Variants in CSF2RB observed in about 807,000 individuals in gnomAD.
The protein encoded by CSF2RB is colony stimulating factor 2 receptor subunit beta.
A neutral mutation model predicts 67.2 loss-of-function variants in CSF2RB; 22 were observed. The ratio of observed to expected loss-of-function variants is 0.33; its 90% CI spans 0.23 to 0.47. CSF2RB has a LOEUF of 0.47. CSF2RB is among the 20% of genes least tolerant of loss of function. The pLI, the probability that CSF2RB is intolerant of heterozygous loss-of-function variation, is 1.00. For synonymous variants in CSF2RB, 507 were observed against 482.9 expected (o/e 1.05, Z -0.65); for missense variants, 1,113 against 1,174.5 (o/e 0.95, Z 0.76).
chr22:36,923,774 C>T lies in CSF2RB; in HGVS notation c.200+407C>T, dbSNP rs975311813. The T allele has an allele frequency of 3.9e-6, 5 of 1,293,594 alleles. No homozygotes were observed. In the African/African-American group the frequency reaches 4.5e-5, roughly 12 times the overall value. The allele number at this position is 1,293,594 out of a possible 1,614,324, so 80.1% of individuals were successfully genotyped here. On this transcript the variant is annotated intron_variant, in intron 3 of 13. Coordinates refer to ENST00000403662, the MANE Select transcript of CSF2RB (RefSeq NM_000395.3). ...TCCAGAGTAGACCAAGGAGAGATGG[C>T]GCTAGCCTGGGAGTTCACAGATGGG...
At chr22:36,926,688 C>T (rs182788096) in intron 4 of CSF2RB, among the ~76,000 whole-genome samples, 3 of 152,204 alleles carry the variant, frequency 2.0e-5, no homozygotes, top group Admixed American at 6.5e-5. Context: ...CGGTGTGGGC[C>T]GAAATCCCAC....
intron 1 of CSF2RB, among the ~76,000 whole-genome samples, chr22:36,916,612 C>T (rs951497690): frequency 2.6e-5 from 4 of 152,072 alleles, no homozygotes; most frequent in African/African-American, 7.2e-5. Context: ...AATCCCAGCA[C>T]TTTGGGAGGC....
Position 36,930,778 on chromosome 22 carries a change from CG to C in CSF2RB, c.961del (p.Val321SerfsTer12). 1 of 1,614,138 alleles carries C rather than the reference CG, an allele frequency of 6.2e-7. No individual in the cohort carries two copies. The highest frequency in any genetic ancestry group is 8.5e-7 in the Non-Finnish European group (1 of 1,180,044). ...PDPATHGQYIVSVQPRRAEKH... is the reference protein window; with the variant it reads ...PDPATHGQYIXSVQPRRAEKH... ...ACCCCGCGACCCACGGCCAATACAT[CG>C]TCTCTGTTCAGCCAAGGAGGGCAGA... On this transcript the variant is annotated frameshift_variant, in exon 8 of 14. Coordinates refer to ENST00000403662, the MANE Select transcript of CSF2RB (RefSeq NM_000395.3). LOFTEE classifies it high-confidence loss of function.
At chr22:36,922,785 G>A (rs1211507842) in intron 2 of CSF2RB, 1 of 286,346 alleles carries the variant, frequency 3.5e-6, no homozygotes, top group African/African-American at 2.2e-5. Context: ...GATAATGCTG[G>A]GACCACAGTC....
At chr22:36,935,735 C>T (rs773633986) in intron 12 of CSF2RB, 48 bp downstream of exon 12, 1 of 1,574,126 alleles carries the variant, frequency 6.4e-7, no homozygotes, top group East Asian at 2.3e-5. Flanking sequence ...CTGTTCCTGC[C>T]TCTCTTGTCT....
rs200666918 is a variant in CSF2RB, at chr22:36,926,060, G to A, written c.274G>A (p.Val92Met). Residue 92 changes from valine (V) to methionine (M), a missense_variant, in exon 4 of 14, where the codon GTG becomes ATG. Val to Met is a conservative substitution (Grantham distance 21). Coordinates refer to ENST00000403662, the MANE Select transcript of CSF2RB (RefSeq NM_000395.3). ...PWSACPHPRC[V>M]PRRCVIPCQS... ...GTCAGCCTGCCCCCATCCCCGCTGC[G>A]TGCCCAGGAGATGTGTCATTCCCTG... The A allele has an allele frequency of 7.8e-5, 126 of 1,614,074 alleles. 1 individual carries two copies. The highest frequency in any genetic ancestry group is 2.7e-4 in the East Asian group (12 of 44,888).
intron 3 of CSF2RB, among the ~76,000 whole-genome samples, chr22:36,925,515 C>T (rs781529634): frequency 8.5e-5 from 13 of 152,216 alleles, no homozygotes; most frequent in Non-Finnish European, 1.3e-4. Context: ...CTAGACCTCC[C>T]TATCACACGC....
At chr22:36,933,654 G>A (rs1039920484) in intron 9 of CSF2RB, among the ~76,000 whole-genome samples, 178 bp from the exon 10 acceptor site, 10 of 152,198 alleles carry the variant, frequency 6.6e-5, no homozygotes, top group Non-Finnish European at 8.8e-5. Flanking sequence ...GGTGCCATCC[G>A]AAGTGCTGTC....
Position 36,938,242 on chromosome 22 carries a change from G to A in CSF2RB, c.2434G>A (p.Gly812Ser). The change falls in exon 14 of 14, where the codon GGC becomes AGC. Residue 812 changes from glycine (G) to serine (S), a missense_variant. Gly to Ser is a moderately conservative substitution (Grantham distance 56, BLOSUM62 0). This residue lies in a region of CSF2RB where 554 missense variants were observed against 517.9 expected (regional missense o/e 1.07). Coordinates refer to ENST00000403662, the MANE Select transcript of CSF2RB (RefSeq NM_000395.3). ...GTCCCCAACATCCCCACAGCCCGAGGGCCTCCTTGTCCTGCAGCAAGTGGG... is the reference window on the plus strand; with the variant it reads ...GTCCCCAACATCCCCACAGCCCGAGAGCCTCCTTGTCCTGCAGCAAGTGGG... Reference protein sequence around the residue: ...DVSPTSPQPEGLLVLQQVGDY... With the variant: ...DVSPTSPQPESLLVLQQVGDY... 1 of 1,614,164 alleles carries A rather than the reference G, an allele frequency of 6.2e-7. No homozygotes were observed. Among genetic ancestry groups the A allele is most frequent in the Non-Finnish European group, 8.5e-7 (1 of 1,180,008 alleles).
chr22:36,922,255 C>T lies in CSF2RB; in HGVS notation c.48C>T (p.Cys16=), dbSNP rs765741610. The change falls in exon 2 of 14, where the codon TGC becomes TGT. Residue 16 remains cysteine, a synonymous_variant. Coordinates refer to ENST00000403662, the MANE Select transcript of CSF2RB (RefSeq NM_000395.3). ...GLLSMALLAL[C]WERSLAGAEE... is the part of the protein sequence containing the mutation. ...TCTCCATGGCCCTGCTGGCCCTGTG[C>T]TGGGAGCGCAGCCTGGCAGGGGCAG... The T allele has an allele frequency of 1.3e-6, 2 of 1,585,270 alleles. No individual in the cohort carries two copies. The highest frequency in any genetic ancestry group is 3.6e-5 in the Admixed American group (2 of 56,280).
chr22:36,924,154 C>T (rs1025343631), intron 3 of CSF2RB, among the ~76,000 whole-genome samples: 9 of 145,096 alleles, frequency 6.2e-5, no homozygotes, highest in African/African-American at 2.0e-4. Context: ...GCGTCTCTGT[C>T]GGACCTTCTC....
chr22:36,929,615 C>A, intron 5 of CSF2RB, 24 bp from the exon 6 acceptor site: 1 of 1,614,224 alleles, frequency 6.2e-7, no homozygotes. Flanking sequence ...CACCCCTCCT[C>A]CAGCACCCAC....
chr22:36,913,954 T>A (rs764458614), intron 1 of CSF2RB, among the ~76,000 whole-genome samples: 1 of 152,024 alleles, frequency 6.6e-6, no homozygotes, highest in Non-Finnish European at 1.5e-5. Context: ...CGGGATCTGG[T>A]TGGTCCTGGT....
In CSF2RB at chr22:36,933,936, C is replaced by T. The variant is rs768846661; in HGVS notation, c.1257C>T (p.Thr419=). The part of the protein sequence containing the change: ...WARVRVRTSR[T]GYNGIWSEWS... Reference sequence around the variant, plus strand: ...GGGTGAGGGTCAGGACCTCCCGCACCGGCTACAACGGGATCTGGAGCGAGT... The same window carrying T: ...GGGTGAGGGTCAGGACCTCCCGCACTGGCTACAACGGGATCTGGAGCGAGT... The change falls in exon 10 of 14, where the codon ACC becomes ACT. Residue 419 remains threonine (T), a synonymous_variant. Coordinates refer to ENST00000403662, the MANE Select transcript of CSF2RB (RefSeq NM_000395.3). The T allele has an allele frequency of 1.3e-5, 21 of 1,612,528 alleles. No individual in the cohort carries two copies. The highest frequency in any genetic ancestry group is 5.0e-5 in the Admixed American group (3 of 59,994).
chr22:36,928,716 T>C (rs2145802405), intron 4 of CSF2RB, among the ~76,000 whole-genome samples: 1 of 152,290 alleles, frequency 6.6e-6, no homozygotes, highest in East Asian at 1.9e-4. Flanking sequence ...ATTTGTTCAT[T>C]CATTCACTCA....
chr22:36,919,567 ATTT>A (rs35070577), intron 1 of CSF2RB, among the ~76,000 whole-genome samples: 20 of 142,148 alleles, frequency 1.4e-4, no homozygotes, highest in African/African-American at 2.3e-4. Flanking sequence ...ATGGCCAGCT[ATTT>A]TTTTTTTTTT....
At position 36,932,695 on chromosome 22, in the gene CSF2RB, C is replaced by G. The variant is rs187196059; in HGVS notation, c.1013-70C>G. 88 of 1,555,812 alleles carry G rather than the reference C, an allele frequency of 5.7e-5. No homozygotes were observed. In the African/African-American group the frequency reaches 1.1e-3, roughly 19 times the overall value. On this transcript the variant is annotated intron_variant, in intron 8 of 13. Coordinates refer to ENST00000403662, the MANE Select transcript of CSF2RB (RefSeq NM_000395.3). The stretch of plus-strand genomic sequence containing the variant: ...CAGTGGAGACAGCCCCAGTGTCTAG[C>G]ATGAGACACGGGGAATGTTCCGTTG...
chr22:36,939,559 A>C lies in CSF2RB; in HGVS notation c.*1057A>C. Reference sequence around the variant, plus strand: ...CAGATACAGGAAAAATAATGGCATTAAATTGCTTTAATTTGCATTATTTTA... The same window carrying C: ...CAGATACAGGAAAAATAATGGCATTCAATTGCTTTAATTTGCATTATTTTA... On this transcript the variant is annotated 3_prime_UTR_variant, in exon 14 of 14. Coordinates refer to ENST00000403662, the MANE Select transcript of CSF2RB (RefSeq NM_000395.3). The C allele has an allele frequency of 3.5e-6, 1 of 286,488 alleles. No homozygotes were observed. The highest frequency in any genetic ancestry group is 6.7e-6 in the Non-Finnish European group (1 of 149,282). The allele number at this position is 286,488 out of a possible 1,614,324, so 17.7% of individuals were successfully genotyped here.
At position 36,913,974 on chromosome 22, in the gene CSF2RB, G is replaced by A. The variant is rs544999563; in HGVS notation, c.-173+297G>A. ...TCTGGTTGGTCCTGGTGGGAAGGAC[G>A]CCTAGTGGGGTGAAGAGAGCTCAGG... On this transcript the variant is annotated intron_variant, in intron 1 of 13. Transcript: ENST00000403662. Among the ~76,000 whole-genome samples, 10 of 152,138 alleles carry A rather than the reference G, an allele frequency of 6.6e-5. No homozygotes were observed. In the East Asian group the frequency reaches 1.7e-3, roughly 27 times the overall value.
Sources: allele counts gnomAD v4.1 joint callset (sites outside exome capture counted in the v4.1 genomes callset), GRCh38; gene constraint gnomAD v4.1.1; regional missense constraint gnomAD v4.1.1; transcripts MANE v1.5; gene names NCBI Gene and HGNC (gene_info 2026-07-23, HGNC 2026-07-21).